RIMBP2: variants seen among roughly 807,000 people sequenced by gnomAD.
RIMBP2 encodes RIMS-binding protein 2.
In RIMBP2, 48 loss-of-function variants were observed where a neutral mutation model predicts 118.6. That is an observed-to-expected ratio of 0.40 (90% CI 0.32 to 0.51). The LOEUF is 0.51. RIMBP2 is among the 20% of genes least tolerant of loss of function. The probability of loss-of-function intolerance (pLI) is 0.41; values close to 1 mark genes in which losing one functional copy is unlikely to be tolerated. For synonymous variants in RIMBP2, 762 were observed against 742.9 expected (o/e 1.03, Z -0.42); for missense variants, 1,551 against 1,768.3 (o/e 0.88, Z 2.20).
chr12:130,458,638 C>A (rs1006459365), intron 6 of RIMBP2, among the ~76,000 whole-genome samples: 1 of 152,194 alleles, frequency 6.6e-6, no homozygotes, highest in East Asian at 1.9e-4. Flanking sequence ...GCGGAGCCTT[C>A]CCAGGGTGTG....
At chr12:130,610,934 A>C (rs1443772032) in intron 2 of RIMBP2, among the ~76,000 whole-genome samples, 2 of 152,154 alleles carry the variant, frequency 1.3e-5, no homozygotes, top group Non-Finnish European at 1.5e-5. Context: ...CATCCATTGG[A>C]GGCTGTTGCT....
chr12:130,646,024 T>C (rs138549158), intron 1 of RIMBP2, among the ~76,000 whole-genome samples: 4 of 151,864 alleles, frequency 2.6e-5, no homozygotes, highest in Admixed American at 6.6e-5. Flanking sequence ...TTGAAATCTG[T>C]GGTGCGGCAG....
intron 1 of RIMBP2, among the ~76,000 whole-genome samples, chr12:130,713,265 G>GGAAA (rs1950090282): frequency 2.1e-5 from 3 of 145,682 alleles, no homozygotes; most frequent in Non-Finnish European, 4.6e-5. Context: ...AAGGAAGGAA[G>GGAAA]GAAGGAAGGA....
intron 1 of RIMBP2, among the ~76,000 whole-genome samples, chr12:130,676,017 C>T (rs1040060808): frequency 3.3e-5 from 5 of 152,196 alleles, no homozygotes; most frequent in South Asian, 2.1e-4. Flanking sequence ...CCAGAGCTCC[C>T]GACTGCCACC....
At chr12:130,536,604 C>T (rs11060979) in intron 2 of RIMBP2, among the ~76,000 whole-genome samples, 11,582 of 152,282 alleles carry the variant, frequency 0.076, 556 homozygotes, top group East Asian at 0.23. Context: ...CCCCAACCAA[C>T]TGGACCTTGG....
intron 4 of RIMBP2, among the ~76,000 whole-genome samples, chr12:130,506,155 G>A (rs907650482): frequency 2.0e-5 from 3 of 151,982 alleles, no homozygotes; most frequent in Non-Finnish European, 4.4e-5. Flanking sequence ...TCAACCCACT[G>A]GCTAAATATT....
chr12:130,479,793 C>T (rs1211423153), intron 4 of RIMBP2, among the ~76,000 whole-genome samples: 1 of 151,746 alleles, frequency 6.6e-6, no homozygotes, highest in Non-Finnish European at 1.5e-5. Flanking sequence ...AGGACAGAGC[C>T]GGGTTCCTGG....
chr12:130,478,579 G>A (rs1206333694), intron 5 of RIMBP2, among the ~76,000 whole-genome samples: 1 of 152,148 alleles, frequency 6.6e-6, no homozygotes. Flanking sequence ...TGCCCTTTTA[G>A]TTTAAACGGA....
At chr12:130,401,656 C>T (rs1213705585) in intron 21 of RIMBP2, among the ~76,000 whole-genome samples, 2 of 151,930 alleles carry the variant, frequency 1.3e-5, no homozygotes, top group African/African-American at 4.8e-5. Context: ...CAGACTATTT[C>T]TAGGCCACCT....
Position 130,428,297 on chromosome 12 carries a change from C to A in RIMBP2, c.2294G>T (p.Ser765Ile), listed in dbSNP as rs2076924367. ...CHGDEYHTESSRGSDLSDIME... is the reference protein window; with the variant it reads ...CHGDEYHTESIRGSDLSDIME... The stretch of plus-strand genomic sequence containing the variant: ...GATGTCTGAGAGGTCAGACCCCCGG[C>A]TGCTCTCTGTGTGGTACTCGTCTCC... The change falls in exon 15 of 23, where the codon AGC (serine) becomes ATC (isoleucine). Residue 765 changes from serine (S) to isoleucine (I), a missense_variant. Physicochemically the swap from Ser to Ile is moderately radical, Grantham distance 142 (BLOSUM62 -2). Around this residue, in one of 5 missense-constraint regions of RIMBP2, gnomAD observed 1,038 missense variants for 1,125.1 expected, o/e 0.92. Transcript: ENST00000690449. 3 of 1,612,892 alleles carry A rather than the reference C, an allele frequency of 1.9e-6. No individual in the cohort carries two copies. The South Asian group carries it at 3.3e-5, about 18-fold the overall frequency.
At chr12:130,597,357 C>T (rs1211446444) in intron 2 of RIMBP2, among the ~76,000 whole-genome samples, 2 of 152,222 alleles carry the variant, frequency 1.3e-5, no homozygotes, top group East Asian at 1.9e-4. Context: ...GATTCTCCTG[C>T]CTCAGCCTCC....
At chr12:130,611,156 A>G (rs558794113) in intron 2 of RIMBP2, among the ~76,000 whole-genome samples, 3 of 152,296 alleles carry the variant, frequency 2.0e-5, no homozygotes, top group Non-Finnish European at 2.9e-5. Flanking sequence ...GGCCACTGAC[A>G]TGGGCTCCGG....
intron 2 of RIMBP2, among the ~76,000 whole-genome samples, chr12:130,567,250 C>T (rs373211952): frequency 6.6e-6 from 1 of 152,206 alleles, no homozygotes; most frequent in East Asian, 1.9e-4. Context: ...ATTAAAGACA[C>T]AGAACATGTT....
intron 1 of RIMBP2, among the ~76,000 whole-genome samples, chr12:130,651,159 T>C (rs61050988): frequency 0.035 from 5,263 of 152,142 alleles, 297 homozygotes; most frequent in African/African-American, 0.12. Flanking sequence ...TCAGGGATGC[T>C]TTCTGCAAAA....
chr12:130,601,754 C>A (rs1254760710), intron 2 of RIMBP2, among the ~76,000 whole-genome samples: 1 of 152,210 alleles, frequency 6.6e-6, no homozygotes, highest in Non-Finnish European at 1.5e-5. Context: ...TCTCAAATGA[C>A]AGGAGAATTT....
At chr12:130,583,932 A>T (rs1435744000) in intron 2 of RIMBP2, among the ~76,000 whole-genome samples, 1 of 148,914 alleles carries the variant, frequency 6.7e-6, no homozygotes, top group Admixed American at 6.7e-5. Context: ...CCATTATATC[A>T]TCACTATCAC....
At chr12:130,614,661 A>T (rs994103585) in intron 2 of RIMBP2, among the ~76,000 whole-genome samples, 8 of 152,162 alleles carry the variant, frequency 5.3e-5, no homozygotes, top group Non-Finnish European at 1.2e-4. Flanking sequence ...GGGGCAAAGA[A>T]AAAAGGGGAA....
intron 2 of RIMBP2, among the ~76,000 whole-genome samples, chr12:130,598,634 A>T (rs2059690823): frequency 6.6e-6 from 1 of 152,102 alleles, no homozygotes; most frequent in Non-Finnish European, 1.5e-5. Flanking sequence ...AGGCTGAGGC[A>T]GGAGAATGGC....
chr12:130,647,078 G>A (rs1196185894), intron 1 of RIMBP2, among the ~76,000 whole-genome samples: 1 of 152,224 alleles, frequency 6.6e-6, no homozygotes, highest in Non-Finnish European at 1.5e-5. Flanking sequence ...AAAATCTTGG[G>A]TTCCTTCACG....
Sources: gnomAD v4.1 joint callset for allele counts (sites outside exome capture counted in the v4.1 genomes callset) on GRCh38, gnomAD v4.1.1 for gene constraint, gnomAD v4.1.1 regional missense constraint, MANE v1.5 for transcripts, NCBI Gene and HGNC (gene_info 2026-07-23, HGNC 2026-07-21) for gene names.